DPP10: variants seen among roughly 807,000 people sequenced by gnomAD.
DPP10 encodes the protein dipeptidyl peptidase like 10.
Under a neutral mutation model 120.9 loss-of-function variants are expected in DPP10, and 33 were observed. The ratio of observed to expected loss-of-function variants is 0.27; its 90% CI spans 0.21 to 0.37. DPP10 has a LOEUF of 0.37. DPP10 is among the 10% of genes least tolerant of loss of function. The probability of loss-of-function intolerance (pLI) is 1.00; values close to 1 mark genes in which losing one functional copy is unlikely to be tolerated. For missense variants in DPP10, 816 were observed against 942.8 expected (o/e 0.87, Z 1.76); for synonymous variants, 337 against 326.1 (o/e 1.03, Z -0.36).
At chr2:114,767,103 GAA>G (rs35500978) in intron 1 of DPP10, among the ~76,000 whole-genome samples, 40 of 48,060 alleles carry the variant, frequency 8.3e-4, no homozygotes, top group African/African-American at 1.4e-3. Flanking sequence ...ATCAAAACTA[GAA>G]AAAAAAAAAA....
At chr2:115,028,919 T>C (rs1027239430) in intron 1 of DPP10, among the ~76,000 whole-genome samples, 1 of 152,110 alleles carries the variant, frequency 6.6e-6, no homozygotes, top group African/African-American at 2.4e-5. Context: ...TGGCTTCTTC[T>C]ATCTCTTCAC....
intron 1 of DPP10, among the ~76,000 whole-genome samples, chr2:114,452,788 T>C (rs1044894592): frequency 7.9e-5 from 12 of 152,188 alleles, no homozygotes; most frequent in African/African-American, 2.9e-4. Context: ...CCAAATATCA[T>C]GGCCTAGAAC....
intron 4 of DPP10, among the ~76,000 whole-genome samples, chr2:115,513,312 TA>T (rs2077330516): frequency 6.6e-6 from 1 of 151,928 alleles, no homozygotes; most frequent in Non-Finnish European, 1.5e-5. Context: ...ATAATTATTT[TA>T]AAAAAATTTA....
At chr2:115,830,409 G>A (rs67562657) in intron 21 of DPP10, among the ~76,000 whole-genome samples, 12,838 of 150,234 alleles carry the variant, frequency 0.085, 607 homozygotes, top group South Asian at 0.14. Flanking sequence ...AAGTTTAGTT[G>A]TCTTATAAAC....
intron 1 of DPP10, among the ~76,000 whole-genome samples, chr2:114,651,764 A>G (rs935611938): frequency 1.3e-5 from 2 of 152,190 alleles, no homozygotes; most frequent in Non-Finnish European, 2.9e-5. Flanking sequence ...AGGAGATTTT[A>G]ATATGCAGCT....
intron 3 of DPP10, among the ~76,000 whole-genome samples, chr2:115,459,281 C>G (rs527969325): frequency 1.3e-5 from 2 of 152,028 alleles, no homozygotes; most frequent in South Asian, 4.2e-4. Flanking sequence ...CTCAGCCTCC[C>G]AAGTAGCTGG....
intron 1 of DPP10, among the ~76,000 whole-genome samples, chr2:114,687,217 C>G (rs186741561): frequency 1.0e-3 from 153 of 152,038 alleles, no homozygotes; most frequent in African/African-American, 3.3e-3. Flanking sequence ...TTATTTTCCC[C>G]ATCTGACCTT....
intron 5 of DPP10, among the ~76,000 whole-genome samples, chr2:115,676,927 G>T (rs1382767380): frequency 6.6e-6 from 1 of 152,084 alleles, no homozygotes; most frequent in African/African-American, 2.4e-5. Context: ...TCTAAAAACA[G>T]CAAGAGGAAA....
intron 5 of DPP10, among the ~76,000 whole-genome samples, chr2:115,675,530 A>AT (rs1231643327): frequency 6.6e-6 from 1 of 152,144 alleles, no homozygotes; most frequent in African/African-American, 2.4e-5. Flanking sequence ...GAAGCTTGAG[A>AT]TGGTAGCATA....
chr2:114,480,374 A>G (rs1409470706), intron 1 of DPP10, among the ~76,000 whole-genome samples: 4 of 152,284 alleles, frequency 2.6e-5, no homozygotes, highest in African/African-American at 9.6e-5. Context: ...CCAAAGGATT[A>G]TAAATCATGC....
rs192727760 is a variant in DPP10, at chr2:115,828,067, C to A, written c.1951-8090C>A. On this transcript the variant is annotated intron_variant, in intron 21 of 25. Transcript: ENST00000410059. ...ACATCCTTTAAATTACCTTGTACTC[C>A]AGGTGTGCAAGTAGTATATTCTTCC... is the stretch of plus-strand genomic sequence containing the variant. Among the ~76,000 whole-genome samples, 3 of 152,052 alleles carry A rather than the reference C, an allele frequency of 2.0e-5. No individual in the cohort carries two copies. The East Asian group carries it at 5.8e-4, about 29-fold the overall frequency.
At chr2:114,799,083 C>T (rs189716946) in intron 1 of DPP10, among the ~76,000 whole-genome samples, 4 of 152,188 alleles carry the variant, frequency 2.6e-5, no homozygotes, top group East Asian at 1.9e-4. Flanking sequence ...GAGTCGAGAT[C>T]GTGCCATTGC....
At chr2:114,508,547 A>G (rs1208101472) in intron 1 of DPP10, among the ~76,000 whole-genome samples, 1 of 152,162 alleles carries the variant, frequency 6.6e-6, no homozygotes, top group Non-Finnish European at 1.5e-5. Context: ...GTTGCTATAA[A>G]CACTTGATTG....
chr2:115,733,590 GAA>G (rs10584331), intron 8 of DPP10, among the ~76,000 whole-genome samples: 49,388 of 144,044 alleles, frequency 0.34, 8,636 homozygotes, highest in Middle Eastern at 0.44. Context: ...GCAGAAAATT[GAA>G]AAAAAAAAAA....
intron 3 of DPP10, among the ~76,000 whole-genome samples, chr2:115,348,242 T>C (rs2063809162): frequency 6.6e-6 from 1 of 152,130 alleles, no homozygotes; most frequent in South Asian, 2.1e-4. Context: ...CAATAATATG[T>C]TTATTTCCCC....
chr2:114,472,801 T>G (rs1680034211), intron 1 of DPP10, among the ~76,000 whole-genome samples: 1 of 152,222 alleles, frequency 6.6e-6, no homozygotes, highest in Admixed American at 6.5e-5. Context: ...CATTGTGAAA[T>G]GAGGCAAAAA....
chr2:115,741,376 T>G lies in DPP10; in HGVS notation c.852+1483T>G, dbSNP rs11123322. ...ACAAAAAAAAAATACTAAGAGATTT[T>G]TATTGTACTCAAAGAAAAGAACTTC... On this transcript the variant is annotated intron_variant, in intron 9 of 25. Coordinates refer to ENST00000410059, the MANE Select transcript of DPP10 (RefSeq NM_020868.6). Among the ~76,000 whole-genome samples the G allele has an allele frequency of 9.2e-5, 14 of 152,226 alleles. No homozygotes were observed. In the East Asian group the frequency reaches 2.7e-3, roughly 29 times the overall value.
chr2:115,616,672 G>A (rs909002711), intron 5 of DPP10, among the ~76,000 whole-genome samples: 10 of 152,190 alleles, frequency 6.6e-5, no homozygotes, highest in Non-Finnish European at 8.8e-5. Context: ...GTGACAAGGT[G>A]CAGTAGTGCA....
chr2:115,115,891 C>T (rs948152277), intron 1 of DPP10, among the ~76,000 whole-genome samples: 2 of 151,936 alleles, frequency 1.3e-5, no homozygotes, highest in South Asian at 2.1e-4. Context: ...ATTCAGGGAT[C>T]GCAAAGTACT....
Sources: gnomAD v4.1 joint callset for allele counts (sites outside exome capture counted in the v4.1 genomes callset) on GRCh38, gnomAD v4.1.1 for gene constraint, MANE v1.5 for transcripts, NCBI Gene and HGNC (gene_info 2026-07-23, HGNC 2026-07-21) for gene names.